Variants in CNTN4 observed in about 807,000 individuals in gnomAD.
The protein encoded by CNTN4 is contactin 4, also known as contactin-4.
Under a neutral mutation model 122.5 loss-of-function variants are expected in CNTN4, and 77 were observed. That is an observed-to-expected ratio of 0.63 (90% CI 0.52 to 0.76). The LOEUF is 0.76. CNTN4 is among the 30% of genes least tolerant of loss of function. CNTN4 has a pLI of 0.00. For synonymous variants in CNTN4, 512 were observed against 447.0 expected, an observed-to-expected ratio of 1.15 and a Z score of -1.83; for missense variants, 1,256 against 1,259.1, an observed-to-expected ratio of 1.00 and a Z score of 0.04.
At chr3:2,447,096 A>G (rs1283738006) in intron 3 of CNTN4, among the ~76,000 whole-genome samples, 1 of 152,122 alleles carries the variant, frequency 6.6e-6, no homozygotes, top group African/African-American at 2.4e-5. Flanking sequence ...TTCCTCTACT[A>G]ACTGCCTTCT....
intron 3 of CNTN4, among the ~76,000 whole-genome samples, chr3:2,371,787 T>C (rs2045642632): frequency 6.6e-6 from 1 of 152,242 alleles, no homozygotes; most frequent in South Asian, 2.1e-4. Context: ...ATATTCTCAC[T>C]AGACCTGTTA....
chr3:2,300,651 A>G (rs537979078), intron 2 of CNTN4, among the ~76,000 whole-genome samples: 1 of 135,824 alleles, frequency 7.4e-6, no homozygotes, highest in African/African-American at 2.8e-5. Context: ...GGCTCACTGC[A>G]ACCTCTGCCT....
chr3:2,944,945 G>A (rs1284524161), intron 13 of CNTN4, among the ~76,000 whole-genome samples: 1 of 152,130 alleles, frequency 6.6e-6, no homozygotes, highest in Non-Finnish European at 1.5e-5. Flanking sequence ...CCTTCAGAAT[G>A]GTCTTACCTT....
intron 7 of CNTN4, among the ~76,000 whole-genome samples, chr3:2,840,950 G>T (rs1462669043): frequency 1.3e-5 from 2 of 152,098 alleles, no homozygotes; most frequent in Admixed American, 6.5e-5. Context: ...TGCTAAAGAG[G>T]TGATGCTTCC....
At chr3:2,599,323 A>G (rs943622170) in intron 4 of CNTN4, among the ~76,000 whole-genome samples, 1 of 152,254 alleles carries the variant, frequency 6.6e-6, no homozygotes, top group African/African-American at 2.4e-5. Flanking sequence ...TAAATGGTGA[A>G]GAAAGAATTT....
chr3:2,764,826 C>T (rs2090769639), intron 6 of CNTN4, among the ~76,000 whole-genome samples: 1 of 152,152 alleles, frequency 6.6e-6, no homozygotes, highest in South Asian at 2.1e-4. Context: ...ATACTTACCT[C>T]AACACTAGAC....
At chr3:2,334,379 G>T (rs1157095444) in intron 2 of CNTN4, among the ~76,000 whole-genome samples, 1 of 152,088 alleles carries the variant, frequency 6.6e-6, no homozygotes, top group African/African-American at 2.4e-5. Flanking sequence ...GGCTGGTCTT[G>T]AACTTCTTAC....
At chr3:2,107,966 T>G (rs2032591657) in intron 2 of CNTN4, among the ~76,000 whole-genome samples, 1 of 152,084 alleles carries the variant, frequency 6.6e-6, no homozygotes, top group African/African-American at 2.4e-5. Context: ...AAAGCTGATC[T>G]CTCCTTACAG....
At chr3:2,688,931 T>A (rs2085579336) in intron 4 of CNTN4, among the ~76,000 whole-genome samples, 1 of 152,056 alleles carries the variant, frequency 6.6e-6, no homozygotes, top group Non-Finnish European at 1.5e-5. Flanking sequence ...AGGTCCAAGA[T>A]GAGGAGATAC....
intron 4 of CNTN4, among the ~76,000 whole-genome samples, chr3:2,734,817 T>C (rs1016192326): frequency 3.3e-5 from 5 of 152,184 alleles, no homozygotes; most frequent in Non-Finnish European, 5.9e-5. Context: ...TATGAAGTTT[T>C]TCCAGGATAG....
intron 2 of CNTN4, among the ~76,000 whole-genome samples, chr3:2,238,433 A>C (rs1351382021): frequency 1.3e-5 from 2 of 152,022 alleles, no homozygotes; most frequent in East Asian, 1.9e-4. Context: ...AATAATAGAA[A>C]ATTTTTAATC....
At chr3:2,748,742 G>A (rs949030297) in intron 6 of CNTN4, among the ~76,000 whole-genome samples, 8 of 152,092 alleles carry the variant, frequency 5.3e-5, no homozygotes, top group Non-Finnish European at 7.4e-5. Flanking sequence ...TACCTGCTCC[G>A]TCTGCATCGT....
chr3:2,611,571 A>G (rs144339070), intron 4 of CNTN4, among the ~76,000 whole-genome samples: 98 of 152,228 alleles, frequency 6.4e-4, no homozygotes, highest in African/African-American at 2.1e-3. Flanking sequence ...TGTGACTTAG[A>G]TACGTTCACA....
intron 10 of CNTN4, among the ~76,000 whole-genome samples, chr3:2,892,992 G>A (rs1466246113): frequency 6.6e-6 from 1 of 152,152 alleles, no homozygotes; most frequent in Non-Finnish European, 1.5e-5. Flanking sequence ...TAATACAATA[G>A]GTAAGGTGAA....
chr3:2,961,231 C>CAAAAAAAA (rs59790353), intron 13 of CNTN4, among the ~76,000 whole-genome samples: 26 of 37,224 alleles, frequency 7.0e-4, no homozygotes, highest in East Asian at 1.6e-3. Flanking sequence ...CTCCATCTCA[C>CAAAAAAAA]AAAAAAAAAA....
At chr3:2,644,643 G>A (rs1183134501) in intron 4 of CNTN4, among the ~76,000 whole-genome samples, 1 of 150,768 alleles carries the variant, frequency 6.6e-6, no homozygotes, top group African/African-American at 2.4e-5. Flanking sequence ...GTGAGTCCAT[G>A]GATTAGACTC....
At chr3:2,686,113 C>T (rs562577687) in intron 4 of CNTN4, among the ~76,000 whole-genome samples, 203 of 152,268 alleles carry the variant, frequency 1.3e-3, no homozygotes, top group Non-Finnish European at 2.6e-3. Flanking sequence ...GATATTTGCT[C>T]TGGAGTGGTC....
At chr3:2,430,140 T>A (rs574652010) in intron 3 of CNTN4, among the ~76,000 whole-genome samples, 1 of 151,840 alleles carries the variant, frequency 6.6e-6, no homozygotes, top group Non-Finnish European at 1.5e-5. Context: ...AATGCAGAAA[T>A]TGGCCGGGCT....
At chr3:2,873,687 T>A (rs2093811816) in intron 8 of CNTN4, among the ~76,000 whole-genome samples, 1 of 152,244 alleles carries the variant, frequency 6.6e-6, no homozygotes, top group Non-Finnish European at 1.5e-5. Flanking sequence ...ACTATTTTTC[T>A]TCATGAAAAG....
Sources: allele counts gnomAD v4.1 joint callset (sites outside exome capture counted in the v4.1 genomes callset), GRCh38; gene constraint gnomAD v4.1.1; transcripts MANE v1.5; gene names NCBI Gene and HGNC (gene_info 2026-07-23, HGNC 2026-07-21).